CNST: variants seen among roughly 807,000 people sequenced by gnomAD.
CNST encodes consortin, connexin sorting protein, also known as consortin.
Under a neutral mutation model 72.4 loss-of-function variants are expected in CNST, and 39 were observed. The observed-to-expected ratio is 0.54, with a 90% confidence interval of 0.42 to 0.70. The LOEUF (loss-of-function observed/expected upper bound fraction) is 0.70, where lower values mean the gene tolerates loss of function less well. Ranked by LOEUF, CNST falls within the 30% of genes least tolerant of loss-of-function variation. The probability of loss-of-function intolerance (pLI) is 0.00; values close to 1 mark genes in which losing one functional copy is unlikely to be tolerated. For missense variants in CNST, 871 were observed against 868.5 expected, an observed-to-expected ratio of 1.00 and a Z score of -0.04; for synonymous variants, 332 against 320.1, an observed-to-expected ratio of 1.04 and a Z score of -0.40.
In CNST at chr1:246,652,807, A is replaced by T. The variant is rs56849803; in HGVS notation, c.1836+4770A>T. ...ATCACGAGGTCAGGAGATCGAGACC[A>T]TCCTGGCTAACACGGTGAAACCCCG... On this transcript the variant is annotated intron_variant, in intron 9 of 10. Transcript: ENST00000366513. 1.9e-4 allele frequency among the ~76,000 whole-genome samples: 28 copies of T among 150,982 alleles called. No homozygotes were observed. In the East Asian group the frequency reaches 3.5e-3, roughly 19 times the overall value.
chr1:246,652,890 G>A (rs1463447728), intron 9 of CNST, among the ~76,000 whole-genome samples: 90 of 151,334 alleles, frequency 5.9e-4, no homozygotes, highest in Admixed American at 3.2e-3. Context: ...TGTAGTCCCA[G>A]CTACTCGGGA....
At chr1:246,656,484 A>T (rs981601111) in intron 9 of CNST, among the ~76,000 whole-genome samples, 1 of 152,184 alleles carries the variant, frequency 6.6e-6, no homozygotes, top group African/African-American at 2.4e-5. Context: ...TAGCTCAGAC[A>T]TTCTTTTTGG....
rs369311987 is a variant in CNST at position 246,659,395 on chromosome 1, C to G, written c.1837-804C>G. 3.7e-4 allele frequency among the ~76,000 whole-genome samples: 57 copies of G among 152,234 alleles called. 2 individuals are homozygous for G. In the East Asian group the frequency reaches 7.1e-3, roughly 19 times the overall value. ...AGATCACGAGGTCAGGAGATCGAGA[C>G]CATCCTGGCTAACTCGGTGAAACCC... On this transcript the variant is annotated intron_variant, in intron 9 of 10. Coordinates refer to ENST00000366513, the MANE Select transcript of CNST (RefSeq NM_152609.3).
At chr1:246,586,109 A>ATGTGTGTGTGTGTG (rs371447612) in intron 1 of CNST, among the ~76,000 whole-genome samples, 2,381 of 121,990 alleles carry the variant, frequency 0.02, 32 homozygotes, top group Non-Finnish European at 0.031. Context: ...ATATATATAT[A>ATGTGTGTGTGTGTG]TATGTGTGTG....
intron 1 of CNST, among the ~76,000 whole-genome samples, chr1:246,582,932 C>G (rs549854009): frequency 3.2e-4 from 48 of 152,304 alleles, no homozygotes; most frequent in African/African-American, 9.1e-4. Flanking sequence ...ATTGAAGGTG[C>G]CTGGGGCCAG....
At chr1:246,592,706 A>T (rs1337652776) in intron 2 of CNST, among the ~76,000 whole-genome samples, 1 of 152,188 alleles carries the variant, frequency 6.6e-6, no homozygotes, top group Non-Finnish European at 1.5e-5. Flanking sequence ...TTTCCATCTC[A>T]CTCAGCAGGT....
intron 9 of CNST, 99 bp downstream of exon 9, chr1:246,648,136 C>T: frequency 6.8e-6 from 10 of 1,467,700 alleles, no homozygotes; most frequent in Non-Finnish European, 8.1e-6. Context: ...TCCCTTGTCT[C>T]AAACATGAGG....
At chr1:246,569,404 C>G (rs553103197) in intron 1 of CNST, among the ~76,000 whole-genome samples, 14 of 152,288 alleles carry the variant, frequency 9.2e-5, no homozygotes, top group African/African-American at 3.4e-4. Context: ...TGTTACCTTA[C>G]TGAGCAGCAC....
intron 10 of CNST, among the ~76,000 whole-genome samples, chr1:246,662,267 G>T (rs961698800): frequency 2.6e-5 from 4 of 152,206 alleles, no homozygotes; most frequent in Admixed American, 2.6e-4. Flanking sequence ...AAAAGGGCCT[G>T]TTCTTCCTTC....
At chr1:246,617,422 TGTCTC>T (rs1333262999) in intron 2 of CNST, among the ~76,000 whole-genome samples, 1 of 152,258 alleles carries the variant, frequency 6.6e-6, no homozygotes, top group African/African-American at 2.4e-5. Flanking sequence ...AGATTGGACT[TGTCTC>T]AGAACTGCTT....
chr1:246,639,381 T>C (rs530334415), intron 6 of CNST, among the ~76,000 whole-genome samples: 2 of 152,162 alleles, frequency 1.3e-5, no homozygotes, highest in East Asian at 1.9e-4. Context: ...GCCTAAAATA[T>C]CCCACTAGTC....
chr1:246,585,515 T>C (rs1351675835), intron 1 of CNST, among the ~76,000 whole-genome samples: 5 of 151,044 alleles, frequency 3.3e-5, no homozygotes, highest in African/African-American at 9.8e-5. Flanking sequence ...GGCGTAGTGG[T>C]GCATGCCTGT....
intron 8 of CNST, among the ~76,000 whole-genome samples, chr1:246,645,672 C>T (rs1371047550): frequency 6.6e-6 from 1 of 151,952 alleles, no homozygotes; most frequent in African/African-American, 2.4e-5. Context: ...CGTGATCCAT[C>T]CGCCTCGGCC....
chr1:246,580,985 C>T (rs192839289), intron 1 of CNST, among the ~76,000 whole-genome samples: 6 of 152,292 alleles, frequency 3.9e-5, no homozygotes, highest in African/African-American at 1.4e-4. Context: ...GTGATCCCCC[C>T]ACCTTGGCTT....
At chr1:246,627,058 A>C (rs192510011) in intron 3 of CNST, among the ~76,000 whole-genome samples, 104 of 152,326 alleles carry the variant, frequency 6.8e-4, no homozygotes, top group African/African-American at 2.3e-3. Flanking sequence ...CCATTTCCGT[A>C]CAGGATACCA....
chr1:246,623,000 T>A (rs1009506157), intron 3 of CNST, among the ~76,000 whole-genome samples: 11 of 152,002 alleles, frequency 7.2e-5, no homozygotes, highest in African/African-American at 2.7e-4. Context: ...ATTTTTGTAT[T>A]TTAGTAGAGA....
chr1:246,634,787 C>G (rs1311928247), intron 6 of CNST, among the ~76,000 whole-genome samples, 200 bp downstream of exon 6: 1 of 152,230 alleles, frequency 6.6e-6, no homozygotes, highest in Non-Finnish European at 1.5e-5. Flanking sequence ...TGGAGCATCA[C>G]GCTGTTTTAA....
chr1:246,631,931 T>G lies in CNST; in HGVS notation c.616+7T>G. ...TATTTCCAGGAGGAGGACTGTATCC[T>G]TTTCTTAATTACAGGAAGAAATTTT... is the stretch of plus-strand genomic sequence containing the variant. On this transcript the variant is annotated splice_region_variant and intron_variant, in intron 4 of 10. Coordinates refer to ENST00000366513, the MANE Select transcript of CNST (RefSeq NM_152609.3). The G allele has an allele frequency of 6.6e-7, 1 of 1,514,166 alleles. No homozygotes were observed. The highest frequency in any genetic ancestry group is 9.0e-7 in the Non-Finnish European group (1 of 1,109,424). The allele number at this position is 1,514,166 out of a possible 1,614,324, so 93.8% of individuals were successfully genotyped here.
chr1:246,656,146 T>C (rs1347716042), intron 9 of CNST, among the ~76,000 whole-genome samples: 3 of 152,170 alleles, frequency 2.0e-5, no homozygotes, highest in Non-Finnish European at 4.4e-5. Flanking sequence ...AACCTAGAGG[T>C]TCTGAATTGA....
Sources: allele counts gnomAD v4.1 joint callset (sites outside exome capture counted in the v4.1 genomes callset), GRCh38; gene constraint gnomAD v4.1.1; transcripts MANE v1.5; gene names NCBI Gene and HGNC (gene_info 2026-07-23, HGNC 2026-07-21).